Variants in MCM9 observed in about 807,000 individuals in gnomAD.
MCM9 encodes the protein DNA helicase MCM9.
A neutral mutation model predicts 72.8 loss-of-function variants in MCM9; 55 were observed. The ratio of observed to expected loss-of-function variants is 0.76; its 90% CI spans 0.61 to 0.95. MCM9 has a LOEUF of 0.95. Ranked by LOEUF, MCM9 falls within the 40% of genes least tolerant of loss-of-function variation. The probability of loss-of-function intolerance (pLI) is 0.00; values close to 1 mark genes in which losing one functional copy is unlikely to be tolerated. For missense variants in MCM9, 1,279 were observed against 1,377.0 expected (o/e 0.93, Z 1.13); for synonymous variants, 480 against 503.4 (o/e 0.95, Z 0.62).
Position 118,894,125 on chromosome 6 carries a change from C to A in MCM9, c.1150+17525G>T. 4 of 1,191,700 alleles carry A rather than the reference C, an allele frequency of 3.4e-6. No individual in the cohort carries two copies. The South Asian group carries it at 9.6e-5, about 29-fold the overall frequency. 73.8% of individuals were successfully genotyped at this position (1,191,700 alleles called of 1,614,324 possible). A position where few individuals can be genotyped will look rare whatever the true frequency, so the allele number is the denominator to read the frequency against. On this transcript the variant is annotated intron_variant, in intron 8 of 13. Coordinates refer to ENST00000619706, the MANE Select transcript of MCM9 (RefSeq NM_017696.3). ...AGCGGGAGCCCATCTTGCTGGCTGC[C>A]GAGGCCCTCGCTGGAGGAGGAGGGT...
At chr6:118,901,640 T>A (rs1779803560) in intron 8 of MCM9, among the ~76,000 whole-genome samples, 1 of 152,248 alleles carries the variant, frequency 6.6e-6, no homozygotes, top group Admixed American at 6.5e-5. Flanking sequence ...AATTGCTATA[T>A]GGAACCATTC....
At chr6:118,907,111 A>C (rs2114557700) in intron 8 of MCM9, among the ~76,000 whole-genome samples, 1 of 152,338 alleles carries the variant, frequency 6.6e-6, no homozygotes, top group Admixed American at 6.5e-5. Context: ...AAATGAGGAG[A>C]TTCTTTCTTT....
chr6:118,820,884 C>T (rs971705280), intron 13 of MCM9, among the ~76,000 whole-genome samples: 1 of 152,126 alleles, frequency 6.6e-6, no homozygotes, highest in Non-Finnish European at 1.5e-5. Flanking sequence ...TAGTACCCTT[C>T]TTTGTCTTTT....
intron 8 of MCM9, among the ~76,000 whole-genome samples, chr6:118,883,024 T>C (rs1415855882): frequency 7.8e-6 from 1 of 128,026 alleles, no homozygotes; most frequent in African/African-American, 3.2e-5. Flanking sequence ...TCAAATGTAG[T>C]GGGCAAAGCC....
At chr6:118,859,211 C>G (rs1776757421) in intron 8 of MCM9, among the ~76,000 whole-genome samples, 1 of 151,868 alleles carries the variant, frequency 6.6e-6, no homozygotes, top group South Asian at 2.1e-4. Context: ...TATCTTCATG[C>G]AAGAAGAAAA....
chr6:118,891,078 T>C (rs1778913075), intron 8 of MCM9, among the ~76,000 whole-genome samples: 1 of 152,250 alleles, frequency 6.6e-6, no homozygotes, highest in Non-Finnish European at 1.5e-5. Flanking sequence ...TCATCTTGTT[T>C]TGTGTATGAC....
chr6:118,923,946 C>T lies in MCM9; in HGVS notation c.486G>A (p.Gln162=). The change falls in exon 4 of 14, where the codon CAG becomes CAA. Residue 162 remains glutamine (Q), a synonymous_variant. Coordinates refer to ENST00000619706, the MANE Select transcript of MCM9 (RefSeq NM_017696.3). ...HVFVIKADFE[Q]YYTFCRPSSC... The stretch of plus-strand genomic sequence containing the variant: ...AGGATGGCCGGCAAAAGGTGTAATA[C>T]TGCTCAAAGTCAGCCTTGATCACAA... 6.2e-7 allele frequency: 1 copy of T among 1,614,212 alleles called. No homozygotes were observed. The highest frequency in any genetic ancestry group is 8.5e-7 in the Non-Finnish European group (1 of 1,180,040).
intron 8 of MCM9, among the ~76,000 whole-genome samples, chr6:118,871,581 C>T (rs1451410899): frequency 1.3e-5 from 2 of 152,162 alleles, no homozygotes; most frequent in African/African-American, 4.8e-5. Flanking sequence ...TAAGGGTGCC[C>T]ACTCTCGTCA....
At chr6:118,823,867 C>T (rs1210082420) in intron 13 of MCM9, among the ~76,000 whole-genome samples, 3 of 151,542 alleles carry the variant, frequency 2.0e-5, no homozygotes, top group East Asian at 1.9e-4. Flanking sequence ...AATAAGACTA[C>T]ATGTGATTTT....
rs556385295 is a variant in MCM9, at chr6:118,914,286, G to A, written c.905-866C>T. Among the ~76,000 whole-genome samples the A allele has an allele frequency of 4.2e-4, 64 of 152,204 alleles. 1 individual carries two copies. The South Asian group carries it at 0.012, about 29-fold the overall frequency. ...TTGGGGTTCTGTTTTCAGAAATAAC[G>A]CACCAAATCTGAGAATCTGCCTATC... On this transcript the variant is annotated intron_variant, in intron 6 of 13. Coordinates refer to ENST00000619706, the MANE Select transcript of MCM9 (RefSeq NM_017696.3).
chr6:118,928,359 C>G (rs900655562), intron 3 of MCM9, among the ~76,000 whole-genome samples: 1 of 151,638 alleles, frequency 6.6e-6, no homozygotes, highest in Non-Finnish European at 1.5e-5. Flanking sequence ...TGCAGTGAAC[C>G]GAGATTGCAC....
chr6:118,900,892 T>A, intron 8 of MCM9: 4 of 1,548,632 alleles, frequency 2.6e-6, no homozygotes, highest in Non-Finnish European at 3.6e-6. Context: ...GTAAGATTAA[T>A]CTTGGTAAAT....
intron 11 of MCM9, 70 bp downstream of exon 11, chr6:118,827,857 T>A: frequency 7.0e-7 from 1 of 1,420,950 alleles, no homozygotes. Context: ...TTTGAATCCA[T>A]GGTGCCAAGC....
chr6:118,839,531 T>C (rs948391940), intron 9 of MCM9, among the ~76,000 whole-genome samples: 2 of 152,138 alleles, frequency 1.3e-5, no homozygotes, highest in Non-Finnish European at 2.9e-5. Flanking sequence ...TTCAGCCTTT[T>C]TGTGTTGGTT....
At chr6:118,926,113 G>C (rs1781872604) in intron 3 of MCM9, among the ~76,000 whole-genome samples, 2 of 152,130 alleles carry the variant, frequency 1.3e-5, no homozygotes, top group Admixed American at 1.3e-4. Flanking sequence ...CTAGCTGCTG[G>C]CAACCATTGA....
intron 8 of MCM9, among the ~76,000 whole-genome samples, chr6:118,888,961 T>A (rs140354921): frequency 0.01 from 1,577 of 152,248 alleles, 30 homozygotes; most frequent in African/African-American, 0.036. Flanking sequence ...GCTACAAAGC[T>A]TCTTTTTGAG....
chr6:118,924,295 A>C (rs2114387231), intron 3 of MCM9, among the ~76,000 whole-genome samples, 168 bp from the exon 4 acceptor site: 1 of 152,346 alleles, frequency 6.6e-6, no homozygotes, highest in South Asian at 2.1e-4. Flanking sequence ...AGAAAATATA[A>C]AGAATTATTG....
chr6:118,914,202 G>A (rs541232832), intron 6 of MCM9, among the ~76,000 whole-genome samples: 4 of 152,180 alleles, frequency 2.6e-5, no homozygotes, highest in Non-Finnish European at 5.9e-5. Flanking sequence ...CCCTAGCAGT[G>A]TAAGTATGAG....
intron 10 of MCM9, among the ~76,000 whole-genome samples, chr6:118,828,724 T>G (rs1324500355): frequency 6.6e-6 from 1 of 152,178 alleles, no homozygotes; most frequent in African/African-American, 2.4e-5. Context: ...CATTTAGAGA[T>G]TTGTTTCACA....
Sources: allele counts gnomAD v4.1 joint callset (sites outside exome capture counted in the v4.1 genomes callset), GRCh38; gene constraint gnomAD v4.1.1; transcripts MANE v1.5; gene names NCBI Gene and HGNC (gene_info 2026-07-23, HGNC 2026-07-21).